Variants in TRHDE observed in about 807,000 individuals in gnomAD.
TRHDE encodes the protein thyrotropin releasing hormone degrading enzyme.
A neutral mutation model predicts 125.7 loss-of-function variants in TRHDE; 72 were observed. The observed-to-expected ratio is 0.57, with a 90% CI of 0.47 to 0.70. The LOEUF is 0.70. Ranked by LOEUF, TRHDE falls within the 30% of genes least tolerant of loss-of-function variation. The pLI is 0.00. For missense variants in TRHDE, 1,110 were observed against 1,327.1 expected, an observed-to-expected ratio of 0.84 and a Z score of 2.54; for synonymous variants, 509 against 509.1, an observed-to-expected ratio of 1.00 and a Z score of 0.00.
chr12:72,594,219 G>A (rs1565803331), intron 12 of TRHDE, among the ~76,000 whole-genome samples: 1 of 152,098 alleles, frequency 6.6e-6, no homozygotes, highest in Non-Finnish European at 1.5e-5. Flanking sequence ...ACTGGTGTGA[G>A]ATAGTATCTC....
intron 6 of TRHDE, among the ~76,000 whole-genome samples, chr12:72,525,616 TG>T (rs1238357650): frequency 6.7e-6 from 1 of 148,260 alleles, no homozygotes. Flanking sequence ...TGTGTGTGTG[TG>T]TGTGTGTGTG....
chr12:72,250,371 G>A (rs1011320895), intron 2 of TRHDE, among the ~76,000 whole-genome samples: 20 of 152,134 alleles, frequency 1.3e-4, no homozygotes, highest in African/African-American at 4.6e-4. Context: ...GTCAGTTCTG[G>A]CTGAACACTA....
At chr12:72,317,947 G>C (rs138993653) in intron 2 of TRHDE, among the ~76,000 whole-genome samples, 4 of 152,108 alleles carry the variant, frequency 2.6e-5, no homozygotes, top group Admixed American at 2.0e-4. Flanking sequence ...TAAGAGGTTG[G>C]GGGAGTGGGT....
intron 2 of TRHDE, among the ~76,000 whole-genome samples, chr12:72,333,566 C>T (rs902147908): frequency 2.6e-5 from 4 of 152,198 alleles, no homozygotes; most frequent in South Asian, 2.1e-4. Context: ...TAGACATGGG[C>T]GATAGGAACC....
At chr12:72,406,806 A>G (rs1265652585) in intron 3 of TRHDE, among the ~76,000 whole-genome samples, 2 of 152,224 alleles carry the variant, frequency 1.3e-5, no homozygotes, top group Non-Finnish European at 2.9e-5. Flanking sequence ...TAGCCTTCTC[A>G]CCATAGCATT....
At chr12:72,427,715 C>T (rs914953992) in intron 3 of TRHDE, among the ~76,000 whole-genome samples, 9 of 152,068 alleles carry the variant, frequency 5.9e-5, no homozygotes, top group African/African-American at 2.2e-4. Context: ...AACATACTAC[C>T]AATAGAGCTC....
At chr12:72,167,308 A>G (rs1876773755) in intron 2 of TRHDE, among the ~76,000 whole-genome samples, 2 of 152,168 alleles carry the variant, frequency 1.3e-5, no homozygotes, top group Non-Finnish European at 2.9e-5. Context: ...CTAACTGCCC[A>G]AACTGCAAGG....
intron 3 of TRHDE, among the ~76,000 whole-genome samples, chr12:72,442,991 C>T (rs1456388593): frequency 6.6e-6 from 1 of 151,710 alleles, no homozygotes. Context: ...TAAATCTGAC[C>T]ATGCTATTCT....
At chr12:72,318,944 CAA>C (rs907231244) in intron 2 of TRHDE, among the ~76,000 whole-genome samples, 2 of 151,946 alleles carry the variant, frequency 1.3e-5, no homozygotes, top group Admixed American at 6.6e-5. Context: ...GGAAGGCAAA[CAA>C]GAGGAGATTC....
rs34848071 is a variant in TRHDE, at chr12:72,225,221, A to T, written n.279+119469A>T. Among the ~76,000 whole-genome samples the T allele has an allele frequency of 2.7e-3, 417 of 152,340 alleles. 4 individuals carry two copies. Among genetic ancestry groups the T allele is most frequent in the Non-Finnish European group, 1.6e-3 (110 of 68,034 alleles). On this transcript the variant is annotated intron_variant and non_coding_transcript_variant, in intron 2 of 4. Coordinates refer to the TRHDE transcript ENST00000548156. ...TTGAATTACTCTGTTGGCTGTAGTT[A>T]GAGATGTAGTCTTGCAGAAAGATAT...
At chr12:72,402,869 G>A (rs989489892) in intron 3 of TRHDE, among the ~76,000 whole-genome samples, 1 of 152,122 alleles carries the variant, frequency 6.6e-6, no homozygotes, top group Non-Finnish European at 1.5e-5. Context: ...TCATATGGTG[G>A]AGGTGTGAGT....
chr12:72,637,025 G>A (rs576872601), intron 15 of TRHDE, among the ~76,000 whole-genome samples: 3 of 152,292 alleles, frequency 2.0e-5, no homozygotes, highest in South Asian at 2.1e-4. Flanking sequence ...TCATAAATGA[G>A]TTAGGGAGGA....
intron 2 of TRHDE, among the ~76,000 whole-genome samples, chr12:72,135,684 A>T (rs868199059): frequency 2.0e-5 from 3 of 151,734 alleles, no homozygotes; most frequent in Non-Finnish European, 4.4e-5. Context: ...CCTTGTGTGG[A>T]TGAGATTGAT....
chr12:72,320,592 C>G, intron 2 of TRHDE, among the ~76,000 whole-genome samples: 1 of 142,168 alleles, frequency 7.0e-6, no homozygotes, highest in East Asian at 2.0e-4. Context: ...TAGCAAGTAA[C>G]AGAATTGCGT....
At chr12:72,587,962 C>T (rs1447182289) in intron 12 of TRHDE, among the ~76,000 whole-genome samples, 1 of 152,024 alleles carries the variant, frequency 6.6e-6, no homozygotes, top group South Asian at 2.1e-4. Flanking sequence ...TCATTCGATA[C>T]CTATTTCTCA....
At chr12:72,174,830 C>T (rs189242347) in intron 2 of TRHDE, among the ~76,000 whole-genome samples, 3 of 152,240 alleles carry the variant, frequency 2.0e-5, no homozygotes, top group Admixed American at 6.5e-5. Flanking sequence ...TGGTGTCCAC[C>T]TCATTTCTCC....
intron 2 of TRHDE, among the ~76,000 whole-genome samples, chr12:72,157,161 G>T (rs1361694808): frequency 1.3e-5 from 2 of 151,148 alleles, no homozygotes; most frequent in African/African-American, 4.9e-5. Context: ...AGGCTGGAGT[G>T]CAGTGGCGTG....
intron 2 of TRHDE, among the ~76,000 whole-genome samples, chr12:72,118,184 T>C (rs1875493373): frequency 6.6e-6 from 1 of 152,124 alleles, no homozygotes; most frequent in Admixed American, 6.6e-5. Flanking sequence ...TAATACTAGC[T>C]GTATCATATA....
At chr12:72,522,072 A>G (rs979078009) in intron 6 of TRHDE, among the ~76,000 whole-genome samples, 3 of 152,194 alleles carry the variant, frequency 2.0e-5, no homozygotes, top group Admixed American at 2.0e-4. Flanking sequence ...CAGCAGTCAC[A>G]TGCTGTATTA....
Sources: gnomAD v4.1 joint callset for allele counts (sites outside exome capture counted in the v4.1 genomes callset) on GRCh38, gnomAD v4.1.1 for gene constraint, MANE v1.5 for transcripts, NCBI Gene and HGNC (gene_info 2026-07-23, HGNC 2026-07-21) for gene names.